Variants in ABCC5 observed in about 807,000 individuals in gnomAD.
ABCC5 encodes ATP-binding cassette sub-family C member 5.
A neutral mutation model predicts 160.9 loss-of-function variants in ABCC5; 61 were observed. The observed-to-expected ratio is 0.38, with a 90% CI of 0.31 to 0.47. ABCC5 has a LOEUF of 0.47. Among genes scored for constraint, ABCC5 ranks in the 20% least tolerant of loss-of-function variants. The pLI is 0.99. For missense variants in ABCC5, 1,308 were observed against 1,813.3 expected (o/e 0.72, Z 5.06); for synonymous variants, 666 against 700.6 (o/e 0.95, Z 0.78).
At chr3:184,013,450 C>T (rs1022907141) in intron 2 of ABCC5, among the ~76,000 whole-genome samples, 1 of 152,088 alleles carries the variant, frequency 6.6e-6, no homozygotes, top group Admixed American at 6.6e-5. Context: ...GACAGGGTTT[C>T]ACCGTGTTGG....
intron 26 of ABCC5, among the ~76,000 whole-genome samples, chr3:183,934,948 G>C (rs9858774): frequency 6.6e-6 from 1 of 152,040 alleles, no homozygotes; most frequent in Non-Finnish European, 1.5e-5. Flanking sequence ...CAAGTTTAAC[G>C]TGCTTTATTT....
chr3:184,009,952 C>A, intron 2 of ABCC5: 1 of 434,470 alleles, frequency 2.3e-6, no homozygotes, highest in Non-Finnish European at 4.7e-6. Flanking sequence ...AGTTCAACAA[C>A]AGCCTGGCCA....
At chr3:184,012,869 G>A (rs11927192) in intron 2 of ABCC5, among the ~76,000 whole-genome samples, 2,910 of 152,220 alleles carry the variant, frequency 0.019, 119 homozygotes, top group African/African-American at 0.066. Flanking sequence ...GCAAGAAAAT[G>A]TTCATTAATA....
At chr3:183,970,839 C>T (rs9861983) in intron 11 of ABCC5, among the ~76,000 whole-genome samples, 31,124 of 152,028 alleles carry the variant, frequency 0.2, 3,300 homozygotes, top group East Asian at 0.42. Flanking sequence ...CCAAGAAGGA[C>T]GGGATTTTTG....
At position 183,944,115 on chromosome 3, in the gene ABCC5, G is replaced by T. The variant is rs116472041; in HGVS notation, c.3505-1199C>A. Among the ~76,000 whole-genome samples the T allele has an allele frequency of 4.8e-3, 729 of 152,252 alleles. 4 individuals carry two copies. The highest frequency in any genetic ancestry group is 6.8e-3 in the South Asian group (33 of 4,824). ...AATTGAAAGAGTAATTTTTCAGGCC[G>T]GACACTATGGCTCCTGTCTATAATC... On this transcript the variant is annotated intron_variant, in intron 24 of 29. Transcript: ENST00000334444.
intron 2 of ABCC5, chr3:184,006,300 G>GAAAAAAAAAAAAAAAAAAAAAAAAAAAA (rs34764294): frequency 8.7e-6 from 1 of 114,636 alleles, no homozygotes. Flanking sequence ...AGGGAGAGAA[G>GAAAAAAAAAAAAAAAAAAAAAAAAAAAA]AAAAAAAAAA....
In ABCC5 at chr3:183,982,596, T is replaced by C. The variant is rs774234160; in HGVS notation, c.854A>G (p.Gln285Arg). Residue 285 changes from glutamine (Q) to arginine (R), a missense_variant, in exon 7 of 30, where the codon CAG (glutamine) becomes CGG (arginine). Transcript: ENST00000334444. This position sits in a 1 kb window ranked among gnomAD's most constrained non-coding sequence, Gnocchi z 5.2. ...AACGGCTGCTGCCTCAAACATTCTC[T>C]GCCCATCGTTGGAGCAAATGTTGAT... is the stretch of plus-strand genomic sequence containing the variant. ...ELINICSNDG[Q>R]RMFEAAAVGS... The C allele has an allele frequency of 6.2e-7, 1 of 1,614,100 alleles. No homozygotes were observed. Among genetic ancestry groups the C allele is most frequent in the Non-Finnish European group, 8.5e-7 (1 of 1,179,968 alleles).
chr3:183,968,772 G>A (rs957651665), intron 11 of ABCC5, among the ~76,000 whole-genome samples: 2 of 152,162 alleles, frequency 1.3e-5, no homozygotes, highest in Non-Finnish European at 2.9e-5. Flanking sequence ...TAGTGTGGAC[G>A]GAGCATGGAT....
At chr3:183,968,761 G>A (rs1158583959) in intron 11 of ABCC5, among the ~76,000 whole-genome samples, 1 of 152,202 alleles carries the variant, frequency 6.6e-6, no homozygotes, top group African/African-American at 2.4e-5. Flanking sequence ...AGGGAGAGTG[G>A]TAGTGTGGAC....
intron 26 of ABCC5, among the ~76,000 whole-genome samples, chr3:183,932,893 G>A (rs1403361660): frequency 1.3e-5 from 2 of 152,088 alleles, no homozygotes; most frequent in Admixed American, 1.3e-4. Flanking sequence ...GGTGGGGAAT[G>A]GTGGCTCATG....
chr3:183,927,237 G>C, intron 28 of ABCC5, 93 bp downstream of exon 28: 1 of 1,284,790 alleles, frequency 7.8e-7, no homozygotes, highest in Non-Finnish European at 1.1e-6. Flanking sequence ...ACAGGGATCA[G>C]AGCCAGGAAT....
chr3:183,961,982 G>A (rs779593472), intron 15 of ABCC5, among the ~76,000 whole-genome samples: 3 of 152,068 alleles, frequency 2.0e-5, no homozygotes, highest in Non-Finnish European at 2.9e-5. Flanking sequence ...GGGTTTTGCC[G>A]TACAGGTAAT....
At position 183,981,761 on chromosome 3, in the gene ABCC5, A is replaced by G. The variant is rs547383634; in HGVS notation, c.1113T>C (p.Tyr371=). Residue 371 remains tyrosine (Y), a synonymous_variant, in exon 8 of 30, where the codon TAT becomes TAC. Coordinates refer to ENST00000334444, the MANE Select transcript of ABCC5 (RefSeq NM_005688.4). ...VLTYIKFIKM[Y]AWVKAFSQSV... Reference sequence around the variant, plus strand: ...TCTGAGAAAATGCTTTGACCCAGGCATACATTTTGATAAATTTAATGTAAG... The same window carrying G: ...TCTGAGAAAATGCTTTGACCCAGGCGTACATTTTGATAAATTTAATGTAAG... 8.1e-5 allele frequency: 130 copies of G among 1,610,846 alleles called. No homozygotes were observed. The South Asian group carries it at 1.3e-3, about 16-fold the overall frequency.
At chr3:183,994,919 A>G (rs1243620074) in intron 2 of ABCC5, among the ~76,000 whole-genome samples, 1 of 145,304 alleles carries the variant, frequency 6.9e-6, no homozygotes, top group African/African-American at 2.6e-5. Context: ...GTGCAATGGC[A>G]TGATCACGGC....
intron 5 of ABCC5, chr3:183,986,041 G>A (rs1438000354): frequency 1.3e-5 from 2 of 152,834 alleles, no homozygotes; most frequent in Non-Finnish European, 2.9e-5. Flanking sequence ...TTTGAAAGTC[G>A]TGCCAGATTA....
At chr3:183,945,752 A>G in intron 24 of ABCC5, 98 bp downstream of exon 24, 1 of 915,082 alleles carries the variant, frequency 1.1e-6, no homozygotes, top group East Asian at 2.4e-5. Context: ...ATAGGCAGAG[A>G]ACACAAGCCT....
At position 183,945,263 on chromosome 3, in the gene ABCC5, C is replaced by T. The variant is rs190966772; in HGVS notation, c.3504+587G>A. On this transcript the variant is annotated intron_variant, in intron 24 of 29. Coordinates refer to ENST00000334444, the MANE Select transcript of ABCC5 (RefSeq NM_005688.4). ...TGTTTAAGAGTGCCAGTTAGGACAG[C>T]AGCAAGATGCCTGCCACCCACGGCA... Among the ~76,000 whole-genome samples the T allele has an allele frequency of 2.0e-5, 3 of 152,318 alleles. No individual in the cohort carries two copies. The East Asian group carries it at 5.8e-4, about 29-fold the overall frequency.
intron 2 of ABCC5, among the ~76,000 whole-genome samples, chr3:183,990,106 TTTTTA>T (rs1257146843): frequency 2.0e-5 from 3 of 148,808 alleles, no homozygotes; most frequent in East Asian, 2.0e-4. Flanking sequence ...CCCGGCCCTG[TTTTTA>T]TTTTATTTTA....
intron 5 of ABCC5, chr3:183,985,508 T>C (rs1719129449): frequency 1.2e-6 from 1 of 815,568 alleles, no homozygotes; most frequent in Non-Finnish European, 2.2e-6. Context: ...CTAAGGGTTT[T>C]ACACTGTCCT....
Sources: allele counts gnomAD v4.1 joint callset (sites outside exome capture counted in the v4.1 genomes callset), GRCh38; gene constraint gnomAD v4.1.1; non-coding constraint Gnocchi (gnomAD v3.1); transcripts MANE v1.5; gene names NCBI Gene and HGNC (gene_info 2026-07-23, HGNC 2026-07-21).